Variants in KALRN observed in about 807,000 individuals in gnomAD.
KALRN encodes the protein kalirin RhoGEF kinase.
Under a neutral mutation model 353.7 loss-of-function variants are expected in KALRN, and 70 were observed. The observed-to-expected ratio is 0.20, with a 90% confidence interval of 0.16 to 0.24. The LOEUF is 0.24. Ranked by LOEUF, KALRN falls within the 10% of genes least tolerant of loss-of-function variation. The pLI, the probability that KALRN is intolerant of heterozygous loss-of-function variation, is 1.00. For synonymous variants in KALRN, 1,391 were observed against 1,434.8 expected, an observed-to-expected ratio of 0.97 and a Z score of 0.69; for missense variants, 2,791 against 3,756.7, an observed-to-expected ratio of 0.74 and a Z score of 6.72.
chr3:124,456,568 C>A, intron 22 of KALRN, 42 bp from the exon 23 acceptor site: 1 of 1,444,326 alleles, frequency 6.9e-7, no homozygotes, highest in Non-Finnish European at 9.7e-7. Flanking sequence ...GTTGCTTTCC[C>A]AAAGCATCAC....
At chr3:124,120,162 T>C (rs941587705) in intron 1 of KALRN, among the ~76,000 whole-genome samples, 1 of 152,200 alleles carries the variant, frequency 6.6e-6, no homozygotes, top group Non-Finnish European at 1.5e-5. Context: ...GTGATGAGGA[T>C]ACCCAGGCCT....
At chr3:124,164,207 C>A (rs764130473) in intron 1 of KALRN, 2 of 154,734 alleles carry the variant, frequency 1.3e-5, no homozygotes, top group Non-Finnish European at 2.8e-5. Context: ...GAATAGTTGA[C>A]CATTGTTGCT....
At chr3:124,637,340 T>C (rs760687553) in intron 37 of KALRN, 37 bp downstream of exon 37, 5 of 1,418,550 alleles carry the variant, frequency 3.5e-6, no homozygotes, top group African/African-American at 1.4e-5. Flanking sequence ...TGTGTGTGTC[T>C]CACCTTCACA....
intron 4 of KALRN, among the ~76,000 whole-genome samples, chr3:124,268,347 C>T (rs760916802): frequency 1.5e-4 from 23 of 152,180 alleles, no homozygotes; most frequent in Non-Finnish European, 2.8e-4. Flanking sequence ...CCTGGGTCCA[C>T]GGGCCTTGGT....
rs188709644 is a variant in KALRN, at chr3:124,173,839, C to G, written c.74-54151C>G. Among the ~76,000 whole-genome samples the G allele has an allele frequency of 7.2e-4, 109 of 152,158 alleles. No individual in the cohort carries two copies. The South Asian group carries it at 0.015, about 21-fold the overall frequency. On this transcript the variant is annotated intron_variant, in intron 1 of 59. Transcript: ENST00000682506. ...CCATGTTGGCCGGGATGGTCTCGAG[C>G]TCCTGACCTCGTGATCCGCCCACCT... is the stretch of plus-strand genomic sequence containing the variant.
intron 9 of KALRN, among the ~76,000 whole-genome samples, chr3:124,344,562 A>G (rs1288388878): frequency 6.6e-6 from 1 of 152,222 alleles, no homozygotes; most frequent in Non-Finnish European, 1.5e-5. Flanking sequence ...CTAGCCTCAA[A>G]TACTTTTTCA....
intron 1 of KALRN, among the ~76,000 whole-genome samples, chr3:124,139,023 C>T (rs145292338): frequency 2.5e-3 from 386 of 152,166 alleles, no homozygotes; most frequent in African/African-American, 8.8e-3. Context: ...GAGTGGGGAC[C>T]GGGGAGCATA....
At chr3:124,628,458 C>A (rs897522543) in intron 34 of KALRN, among the ~76,000 whole-genome samples, 1 of 118,286 alleles carries the variant, frequency 8.5e-6, no homozygotes, top group Admixed American at 8.7e-5. Flanking sequence ...CTCCTTTCCC[C>A]TCCTTCCCTT....
intron 1 of KALRN, among the ~76,000 whole-genome samples, chr3:124,104,417 T>C (rs1236830228): frequency 6.6e-6 from 1 of 152,142 alleles, no homozygotes; most frequent in African/African-American, 2.4e-5. Context: ...GGGTTAAGCT[T>C]TAGTAGCCCT....
chr3:124,543,370 C>T (rs1385739448), intron 33 of KALRN, among the ~76,000 whole-genome samples: 2 of 151,070 alleles, frequency 1.3e-5, no homozygotes, highest in South Asian at 2.1e-4. Context: ...GGCGTGATCT[C>T]GGCTCACTGC....
At chr3:124,373,143 C>T (rs2086098571) in intron 10 of KALRN, among the ~76,000 whole-genome samples, 1 of 152,108 alleles carries the variant, frequency 6.6e-6, no homozygotes, top group South Asian at 2.1e-4. Flanking sequence ...TAGAGGATTC[C>T]TTAAGGTTTC....
Position 124,037,929 on chromosome 3 carries a change from C to T in KALRN, c.73+4116C>T, listed in dbSNP as rs922739114. 4.0e-5 allele frequency among the ~76,000 whole-genome samples: 6 copies of T among 151,718 alleles called. No individual in the cohort carries two copies. In the South Asian group the frequency reaches 6.3e-4, roughly 16 times the overall value. ...CTTTGGACATGAAGCATGGGGGGGG[C>T]GACTCAGGGAAATCCAGATGGAGTT... On this transcript the variant is annotated intron_variant, in intron 1 of 59. Coordinates refer to ENST00000682506, the MANE Select transcript of KALRN (RefSeq NM_001388419.1).
At chr3:124,298,118 A>T (rs1325094540) in intron 5 of KALRN, among the ~76,000 whole-genome samples, 2 of 152,178 alleles carry the variant, frequency 1.3e-5, no homozygotes, top group African/African-American at 2.4e-5. Flanking sequence ...CCATTGAAGT[A>T]TGTGGGCTGC....
At chr3:124,307,169 T>C (rs528153761) in intron 6 of KALRN, among the ~76,000 whole-genome samples, 130 of 152,232 alleles carry the variant, frequency 8.5e-4, no homozygotes, top group African/African-American at 3.0e-3. Flanking sequence ...TAAGATAATA[T>C]GTACATAATG....
chr3:124,341,321 C>T lies in KALRN; in HGVS notation c.1648-5822C>T, dbSNP rs190705618. 1.1e-3 allele frequency among the ~76,000 whole-genome samples: 169 copies of T among 152,318 alleles called. 1 individual carries two copies. Among genetic ancestry groups the T allele is most frequent in the African/African-American group, 3.8e-3 (158 of 41,564 alleles). ...CGTTGTTATCCCTAGTGATGACATT[C>T]CTGAATGGGGTGGCAAAATTCCTCT... On this transcript the variant is annotated intron_variant, in intron 9 of 59. Transcript: ENST00000682506.
chr3:124,595,537 T>G (rs559755807), intron 34 of KALRN, among the ~76,000 whole-genome samples: 81 of 152,340 alleles, frequency 5.3e-4, no homozygotes, highest in Admixed American at 1.6e-3. Context: ...TTTTAGGTTA[T>G]TTCTGATTTT....
intron 1 of KALRN, chr3:124,152,128 A>G (rs2068193052): frequency 3.3e-5 from 43 of 1,296,542 alleles, no homozygotes; most frequent in Non-Finnish European, 4.5e-5. Flanking sequence ...TATAGATCTC[A>G]TGAATCAGAT....
intron 5 of KALRN, among the ~76,000 whole-genome samples, chr3:124,298,281 GGAATTGT>G (rs2076999464): frequency 6.6e-6 from 1 of 152,174 alleles, no homozygotes; most frequent in Admixed American, 6.5e-5. Context: ...CAGAAACCCA[GGAATTGT>G]GAGGCTGTAG....
intron 10 of KALRN, among the ~76,000 whole-genome samples, chr3:124,369,130 T>A (rs1173039126): frequency 6.6e-6 from 1 of 152,230 alleles, no homozygotes; most frequent in East Asian, 1.9e-4. Flanking sequence ...TTATTGTATT[T>A]CTCCAAGCAT....
Sources: gnomAD v4.1 joint callset for allele counts (sites outside exome capture counted in the v4.1 genomes callset) on GRCh38, gnomAD v4.1.1 for gene constraint, MANE v1.5 for transcripts, NCBI Gene and HGNC (gene_info 2026-07-23, HGNC 2026-07-21) for gene names.